Variants in GLRA1 observed in about 807,000 individuals in gnomAD.
GLRA1 encodes the protein glycine receptor alpha 1.
In GLRA1, 37 loss-of-function variants were observed where a neutral mutation model predicts 48.3. That is an observed-to-expected ratio of 0.77 (90% CI 0.59 to 1.01). The LOEUF (loss-of-function observed/expected upper bound fraction) is 1.01, where lower values mean the gene tolerates loss of function less well. Ranked by LOEUF, GLRA1 falls within the 50% of genes least tolerant of loss-of-function variation. The pLI is 0.00. For missense variants in GLRA1, 427 were observed against 571.0 expected (o/e 0.75, Z 2.57); for synonymous variants, 196 against 210.7 (o/e 0.93, Z 0.60).
intron 8 of GLRA1, among the ~76,000 whole-genome samples, chr5:151,823,409 A>C (rs576872641): frequency 6.6e-6 from 1 of 152,314 alleles, no homozygotes; most frequent in South Asian, 2.1e-4. Context: ...TTTAGTTAGA[A>C]ATTCAGAGGA....
At chr5:151,833,893 C>T (rs1347186890) in intron 7 of GLRA1, among the ~76,000 whole-genome samples, 1 of 148,994 alleles carries the variant, frequency 6.7e-6, no homozygotes, top group Non-Finnish European at 1.5e-5. Context: ...AAGGGCATTA[C>T]ATAATGGTAA....
chr5:151,892,467 T>A (rs773974699), intron 1 of GLRA1, 29 bp from the exon 2 acceptor site: 2 of 1,612,784 alleles, frequency 1.2e-6, no homozygotes, highest in South Asian at 2.2e-5. Flanking sequence ...GAGCAAAAGG[T>A]TAATGATGGC....
intron 7 of GLRA1, among the ~76,000 whole-genome samples, chr5:151,833,133 A>G (rs1256843098): frequency 6.6e-6 from 1 of 152,216 alleles, no homozygotes; most frequent in Non-Finnish European, 1.5e-5. Context: ...CTGTCTCACA[A>G]GAACTCCTGA....
intron 2 of GLRA1, among the ~76,000 whole-genome samples, chr5:151,890,942 C>T (rs1754050846): frequency 6.6e-6 from 1 of 152,168 alleles, no homozygotes; most frequent in African/African-American, 2.4e-5. Context: ...AAACAGAGAC[C>T]TGGGTGCATC....
At chr5:151,878,336 T>C (rs1235462219) in intron 3 of GLRA1, among the ~76,000 whole-genome samples, 6 of 152,190 alleles carry the variant, frequency 3.9e-5, no homozygotes, top group Non-Finnish European at 7.3e-5. Flanking sequence ...ATGTGGTTGC[T>C]GTTAAAGGCA....
chr5:151,908,894 GGTTT>G (rs1253583855), intron 1 of GLRA1, among the ~76,000 whole-genome samples: 1 of 151,960 alleles, frequency 6.6e-6, no homozygotes, highest in African/African-American at 2.4e-5. Context: ...TCTTTGGAGG[GGTTT>G]GTCCACTGTC....
intron 1 of GLRA1, among the ~76,000 whole-genome samples, chr5:151,897,163 C>T (rs1418274630): frequency 6.6e-6 from 1 of 152,166 alleles, no homozygotes; most frequent in Non-Finnish European, 1.5e-5. Flanking sequence ...AGTAGCTATG[C>T]CTCCCTCCAC....
intron 1 of GLRA1, among the ~76,000 whole-genome samples, chr5:151,920,020 G>A (rs1055679008): frequency 6.6e-6 from 1 of 152,244 alleles, no homozygotes; most frequent in Non-Finnish European, 1.5e-5. Context: ...GGATTTTAAT[G>A]TACCTTTAAA....
intron 3 of GLRA1, among the ~76,000 whole-genome samples, chr5:151,878,782 T>C (rs1753688772): frequency 6.6e-6 from 1 of 152,208 alleles, no homozygotes. Context: ...AATTGAAGTT[T>C]GGTAACCTCT....
In GLRA1 at chr5:151,851,338, G is replaced by C. The variant is rs545763232; in HGVS notation, c.912+52C>G. 35 of 1,170,214 alleles carry C rather than the reference G, an allele frequency of 3.0e-5. No individual in the cohort carries two copies. The South Asian group carries it at 4.1e-4, about 14-fold the overall frequency. 72.5% of individuals were successfully genotyped at this position (1,170,214 alleles called of 1,614,324 possible). A position where few individuals can be genotyped will look rare whatever the true frequency, so the allele number is the denominator to read the frequency against. On this transcript the variant is annotated intron_variant, in intron 7 of 8. Coordinates refer to ENST00000274576, the MANE Select transcript of GLRA1 (RefSeq NM_000171.4). ...TGTTTTAGGCAGAGCAAGGAAGTAGGTGCTGTCCTTATTTGTCCAGGTGTT... is the reference window on the plus strand; with the variant it reads ...TGTTTTAGGCAGAGCAAGGAAGTAGCTGCTGTCCTTATTTGTCCAGGTGTT...
At chr5:151,922,035 T>C (rs1303098368) in intron 1 of GLRA1, among the ~76,000 whole-genome samples, 1 of 152,236 alleles carries the variant, frequency 6.6e-6, no homozygotes, top group Non-Finnish European at 1.5e-5. Context: ...GCTGTTGTTA[T>C]TGCCATTTCG....
chr5:151,912,985 G>A (rs184452852), intron 1 of GLRA1, among the ~76,000 whole-genome samples: 2 of 152,320 alleles, frequency 1.3e-5, no homozygotes, highest in Admixed American at 6.5e-5. Flanking sequence ...TTTCCAAGAG[G>A]ATTTAGGAAG....
chr5:151,831,964 C>A (rs1012344064), intron 7 of GLRA1, among the ~76,000 whole-genome samples: 1 of 152,206 alleles, frequency 6.6e-6, no homozygotes, highest in Non-Finnish European at 1.5e-5. Context: ...AGGTAGCAAT[C>A]TTTGCTGTTC....
At chr5:151,832,005 C>T (rs549840716) in intron 7 of GLRA1, among the ~76,000 whole-genome samples, 2 of 152,348 alleles carry the variant, frequency 1.3e-5, no homozygotes, top group Admixed American at 6.5e-5. Flanking sequence ...ACTAGGCACA[C>T]AGGGTCTGGA....
intron 5 of GLRA1, among the ~76,000 whole-genome samples, chr5:151,855,766 A>G (rs952549307): frequency 8.5e-5 from 13 of 152,054 alleles, no homozygotes; most frequent in African/African-American, 3.1e-4. Flanking sequence ...AGTTAGTCAG[A>G]TTGGTTTCTC....
chr5:151,890,545 G>A (rs761776429), intron 2 of GLRA1, among the ~76,000 whole-genome samples: 7 of 152,164 alleles, frequency 4.6e-5, no homozygotes, highest in African/African-American at 7.2e-5. Context: ...TTTTAAAAGA[G>A]GTGATTTAGT....
intron 7 of GLRA1, among the ~76,000 whole-genome samples, chr5:151,846,087 A>G (rs1752668303): frequency 6.6e-6 from 1 of 152,098 alleles, no homozygotes; most frequent in Non-Finnish European, 1.5e-5. Flanking sequence ...TGACTGTTGG[A>G]GGGTATGGAT....
At chr5:151,831,850 G>A (rs1763435986) in intron 7 of GLRA1, among the ~76,000 whole-genome samples, 1 of 152,210 alleles carries the variant, frequency 6.6e-6, no homozygotes, top group South Asian at 2.1e-4. Context: ...GCCTCCTGAT[G>A]GAGAGACACC....
chr5:151,856,710 C>T (rs966689734), intron 4 of GLRA1, among the ~76,000 whole-genome samples: 8 of 151,842 alleles, frequency 5.3e-5, no homozygotes, highest in East Asian at 1.9e-4. Context: ...TTGTAGAGAC[C>T]GGGGTCTCGC....
Sources: gnomAD v4.1 joint callset for allele counts (sites outside exome capture counted in the v4.1 genomes callset) on GRCh38, gnomAD v4.1.1 for gene constraint, MANE v1.5 for transcripts, NCBI Gene and HGNC (gene_info 2026-07-23, HGNC 2026-07-21) for gene names.